Variants in TARS1 observed in about 807,000 individuals in gnomAD.
TARS1 encodes threonyl-tRNA synthetase 1.
Under a neutral mutation model 97.7 loss-of-function variants are expected in TARS1, and 57 were observed. That is an observed-to-expected ratio of 0.58 (90% confidence interval 0.47 to 0.73). The LOEUF (loss-of-function observed/expected upper bound fraction) is 0.73. TARS1 is among the 30% of genes least tolerant of loss of function. The probability of loss-of-function intolerance (pLI) is 0.00; values close to 1 mark genes in which losing one functional copy is unlikely to be tolerated. For missense variants in TARS1, 806 were observed against 888.3 expected (o/e 0.91, Z 1.18); for synonymous variants, 312 against 293.7 (o/e 1.06, Z -0.64).
intron 3 of TARS1, chr5:33,452,257 G>C: frequency 9.5e-7 from 1 of 1,051,384 alleles, no homozygotes; most frequent in Non-Finnish European, 1.4e-6. Flanking sequence ...CCTTCGTTGA[G>C]ATGTCCAGGC....
rs200365205 is a variant in TARS1 at position 33,466,390 on chromosome 5, T to TA, written c.1909-481_1909-480insA. ...GGGACTAATGCCTCTGATAACCTGA[T>TA]TAAAAAAAAAAACTTTCTGATACTC... On this transcript the variant is annotated intron_variant, in intron 17 of 18. Coordinates refer to ENST00000265112, the MANE Select transcript of TARS1 (RefSeq NM_152295.5). Among the ~76,000 whole-genome samples the TA allele has an allele frequency of 4.5e-3, 657 of 145,626 alleles. 27 individuals are homozygous for TA. The East Asian group carries it at 0.1, about 23-fold the overall frequency.
chr5:33,451,282 C>T (rs1046305145), intron 3 of TARS1, among the ~76,000 whole-genome samples: 2 of 151,802 alleles, frequency 1.3e-5, no homozygotes, highest in Non-Finnish European at 2.9e-5. Context: ...TTTAAAGATT[C>T]ACATAATTAG....
At chr5:33,446,571 A>G (rs894445864) in intron 2 of TARS1, 1 of 640,304 alleles carries the variant, frequency 1.6e-6, no homozygotes. Flanking sequence ...AAGAGTGTAC[A>G]GTGAACTGTC....
chr5:33,466,889 G>A lies in TARS1; in HGVS notation c.1927G>A (p.Asp643Asn), dbSNP rs151055943. Residue 643 changes from aspartate (D) to asparagine (N), a missense_variant, in exon 18 of 19, where the codon GAT (aspartate) becomes AAT (asparagine). Around this residue, in one of 3 missense-constraint regions of TARS1, gnomAD observed 446 missense variants for 511.0 expected, o/e 0.87. Transcript: ENST00000265112. ...YAQKVRQQFH[D>N]AKFMADIDLD... ...ACAATAGGTACGACAACAATTCCAC[G>A]ATGCCAAATTCATGGCAGACATTGA... is the stretch of plus-strand genomic sequence containing the variant. The A allele has an allele frequency of 2.1e-4, 329 of 1,596,476 alleles. 2 individuals carry two copies. Among genetic ancestry groups the A allele is most frequent in the Admixed American group, 9.7e-4 (55 of 56,964 alleles).
intron 2 of TARS1, chr5:33,446,744 A>C (rs1178326010): frequency 6.2e-6 from 8 of 1,289,100 alleles, no homozygotes; most frequent in Non-Finnish European, 6.1e-6. Flanking sequence ...AACTGCAGTT[A>C]AGATACAGAG....
intron 3 of TARS1, among the ~76,000 whole-genome samples, chr5:33,449,993 G>A (rs1417296377): frequency 1.3e-5 from 2 of 152,126 alleles, no homozygotes; most frequent in East Asian, 1.9e-4. Context: ...TTGGGGGATA[G>A]CGAGTGCTAA....
At chr5:33,458,689 C>T (rs1742148329) in intron 10 of TARS1, 25 bp downstream of exon 10, 1 of 1,551,412 alleles carries the variant, frequency 6.4e-7, no homozygotes, top group Non-Finnish European at 8.8e-7. Context: ...TTGCTTTCTT[C>T]TTTAGATTTA....
chr5:33,452,954 A>C (rs1322692828), intron 3 of TARS1, among the ~76,000 whole-genome samples: 1 of 152,026 alleles, frequency 6.6e-6, no homozygotes, highest in Non-Finnish European at 1.5e-5. Flanking sequence ...CTGTCGCTAA[A>C]AAATTAAAAA....
chr5:33,455,957 A>C, intron 6 of TARS1, 45 bp from the exon 7 acceptor site: 1 of 1,564,376 alleles, frequency 6.4e-7, no homozygotes, highest in Non-Finnish European at 8.8e-7. Flanking sequence ...TAGAAGTAAA[A>C]ATTAAAGGAC....
intron 2 of TARS1, among the ~76,000 whole-genome samples, chr5:33,447,008 T>TA (rs952423235): frequency 1.3e-5 from 2 of 152,116 alleles, no homozygotes; most frequent in African/African-American, 2.4e-5. Flanking sequence ...TAGGGCCTGA[T>TA]ACGGTGGTAG....
chr5:33,462,302 TC>T, intron 16 of TARS1, 99 bp downstream of exon 16: 1 of 1,106,962 alleles, frequency 9.0e-7, no homozygotes, highest in Non-Finnish European at 1.3e-6. Flanking sequence ...GGAGAATGAT[TC>T]CAATCGGTTG....
chr5:33,448,437 T>G, intron 2 of TARS1, 104 bp from the exon 3 acceptor site: 1 of 963,456 alleles, frequency 1.0e-6, no homozygotes, highest in East Asian at 2.8e-5. Context: ...ATTGAATCAA[T>G]AGTCCTGGGT....
chr5:33,464,176 C>T (rs1055641472), intron 17 of TARS1, among the ~76,000 whole-genome samples: 1 of 152,136 alleles, frequency 6.6e-6, no homozygotes, highest in Non-Finnish European at 1.5e-5. Context: ...CTTGGCCTCC[C>T]GAGTAGCAGT....
chr5:33,444,537 A>G (rs930532670), intron 1 of TARS1, among the ~76,000 whole-genome samples: 1 of 152,166 alleles, frequency 6.6e-6, no homozygotes, highest in African/African-American at 2.4e-5. Context: ...CTTCTAATTG[A>G]AGTCTGTATT....
chr5:33,445,456 GGGAA>G, intron 2 of TARS1, 52 bp downstream of exon 2: 1 of 1,534,208 alleles, frequency 6.5e-7, no homozygotes. Flanking sequence ...GCAAATCGCA[GGGAA>G]CTTTCTGAGA....
rs369587182 is a variant in TARS1, at chr5:33,442,046, T to G, written c.57+903T>G. Among the ~76,000 whole-genome samples, 6 of 152,344 alleles carry G rather than the reference T, an allele frequency of 3.9e-5. No homozygotes were observed. The East Asian group carries it at 7.7e-4, about 20-fold the overall frequency. ...AAGATTGTATTTGTAAAAGTCACGC[T>G]GGCATTGGGATAGAAGGTTAGGCCA... On this transcript the variant is annotated intron_variant, in intron 1 of 18. Transcript: ENST00000265112.
Position 33,459,652 on chromosome 5 carries a change from A to G in TARS1, c.1084-43A>G, listed in dbSNP as rs72737349. On this transcript the variant is annotated intron_variant, in intron 10 of 18. Transcript: ENST00000265112. ...AGTTTTTACTCCCACTTGAAGTATG[A>G]GCATTTATTTGCCTACACATGTTTC... 4.0e-3 allele frequency: 6,438 copies of G among 1,606,148 alleles called. 19 individuals are homozygous for G. Among genetic ancestry groups the G allele is most frequent in the Non-Finnish European group, 5.1e-3 (6,011 of 1,174,130 alleles).
chr5:33,456,072 A>G lies in TARS1; in HGVS notation c.758+6A>G. The G allele has an allele frequency of 6.2e-7, 1 of 1,613,404 alleles. No individual in the cohort carries two copies. Among genetic ancestry groups the G allele is most frequent in the Non-Finnish European group, 8.5e-7 (1 of 1,179,390 alleles). ...CCAACTACCACAGTCTATAGGTAAG[A>G]ATATTAGATGTCATTAAATGTATCT... On this transcript the variant is annotated splice_donor_region_variant and intron_variant, in intron 7 of 18. Coordinates refer to ENST00000265112, the MANE Select transcript of TARS1 (RefSeq NM_152295.5).
chr5:33,463,981 C>T (rs1439269212), intron 17 of TARS1, among the ~76,000 whole-genome samples, 156 bp downstream of exon 17: 1 of 152,190 alleles, frequency 6.6e-6, no homozygotes, highest in African/African-American at 2.4e-5. Flanking sequence ...TATATTACTT[C>T]TTTAATGCTT....
Sources: gnomAD v4.1 joint callset for allele counts (sites outside exome capture counted in the v4.1 genomes callset) on GRCh38, gnomAD v4.1.1 for gene constraint, gnomAD v4.1.1 regional missense constraint, MANE v1.5 for transcripts, NCBI Gene and HGNC (gene_info 2026-07-23, HGNC 2026-07-21) for gene names.